ANOS1: variants seen among roughly 807,000 people sequenced by gnomAD.
The protein encoded by ANOS1 is anosmin-1.
ANOS1 carries 6 observed loss-of-function variants against 59.0 expected under a neutral mutation model. The ratio of observed to expected loss-of-function variants is 0.10; its 90% confidence interval spans 0.06 to 0.20. The LOEUF (loss-of-function observed/expected upper bound fraction) is 0.20. Ranked by LOEUF, ANOS1 falls within the 10% of genes least tolerant of loss-of-function variation. The pLI, the probability that ANOS1 is intolerant of heterozygous loss-of-function variation, is 1.00. For synonymous variants in ANOS1, 217 were observed against 223.4 expected (o/e 0.97, Z 0.25); for missense variants, 433 against 542.3 (o/e 0.80, Z 2.00).
chrX:8,585,248 G>A lies in ANOS1; in HGVS notation c.856+19C>T. 1 of 1,206,896 alleles carries A rather than the reference G, an allele frequency of 8.3e-7. No homozygotes were observed. Among genetic ancestry groups the A allele is most frequent in the Non-Finnish European group, 1.1e-6 (1 of 891,747 alleles). On this transcript the variant is annotated intron_variant, in intron 6 of 13. Transcript: ENST00000262648. ...AGCAAGGATAGTATTCTGTGTCTGG[G>A]AAGAAAAGGAAGACTGACCTTTGGA...
At chrX:8,579,992 T>G (rs1201694168) in intron 6 of ANOS1, among the ~76,000 whole-genome samples, 1 of 112,406 alleles carries the variant, frequency 8.9e-6, no homozygotes, top group Non-Finnish European at 1.9e-5. Context: ...TTGGATCAGG[T>G]TCTGAAGGTG....
At chrX:8,667,776 G>C (rs765329023) in intron 2 of ANOS1, among the ~76,000 whole-genome samples, 3 of 111,160 alleles carry the variant, frequency 2.7e-5, no homozygotes, top group East Asian at 2.9e-4. Flanking sequence ...GGAGTAGTGT[G>C]TTTTTAGAAG....
chrX:8,655,565 A>T (rs1196412939), intron 2 of ANOS1, among the ~76,000 whole-genome samples: 2 of 111,366 alleles, frequency 1.8e-5, no homozygotes, highest in Non-Finnish European at 3.8e-5. Context: ...CTACATCGTC[A>T]CACTGAGTGG....
chrX:8,726,672 G>A (rs957951554), intron 1 of ANOS1, among the ~76,000 whole-genome samples: 2 of 112,604 alleles, frequency 1.8e-5, no homozygotes, highest in African/African-American at 6.5e-5. Context: ...CCATGCTTAG[G>A]GAACTGATTA....
At chrX:8,636,566 C>G (rs1931576692) in intron 2 of ANOS1, among the ~76,000 whole-genome samples, 1 of 111,917 alleles carries the variant, frequency 8.9e-6, no homozygotes, top group African/African-American at 3.3e-5. Context: ...TGAAGCATGT[C>G]TGTGCAGTGA....
rs191854228 is a variant in ANOS1, at chrX:8,533,831, A to T, written c.1984+488T>A. On this transcript the variant is annotated intron_variant, in intron 13 of 13. Transcript: ENST00000262648. ...GCAAAATATTATTTCCTATATTGTG[A>T]TATATGAAAATCTTGATTTAAAAAT... Among the ~76,000 whole-genome samples, 482 of 111,341 alleles carry T rather than the reference A, an allele frequency of 4.3e-3. 1 individual carries two copies. Among genetic ancestry groups the T allele is most frequent in the African/African-American group, 0.015 (450 of 30,658 alleles).
At chrX:8,568,649 A>T (rs373036188) in intron 7 of ANOS1, among the ~76,000 whole-genome samples, 212 of 109,663 alleles carry the variant, frequency 1.9e-3, no homozygotes, top group African/African-American at 6.6e-3. Flanking sequence ...CCTGGGCAAC[A>T]TAGCAAGACT....
At chrX:8,700,883 C>A (rs1406843834) in intron 1 of ANOS1, among the ~76,000 whole-genome samples, 6 of 111,119 alleles carry the variant, frequency 5.4e-5, no homozygotes. Flanking sequence ...GTGGCACACG[C>A]CTGTAATCCC....
intron 2 of ANOS1, among the ~76,000 whole-genome samples, chrX:8,664,229 C>T (rs188175371): frequency 1.6e-4 from 18 of 111,946 alleles, no homozygotes; most frequent in Admixed American, 1.4e-3. Flanking sequence ...CTCACTCTGT[C>T]GCCCAGGCCG....
intron 2 of ANOS1, among the ~76,000 whole-genome samples, chrX:8,683,060 A>G (rs1394908026): frequency 9.0e-6 from 1 of 111,110 alleles, no homozygotes; most frequent in Non-Finnish European, 1.9e-5. Flanking sequence ...GAGCATGCTA[A>G]AGTTTGAGAA....
In ANOS1 at chrX:8,587,920, C is replaced by A. The variant is rs749078207; in HGVS notation, c.600G>T (p.Leu200=). Residue 200 remains leucine (L), a synonymous_variant, in exon 5 of 14, where the codon CTG becomes CTT. Coordinates refer to ENST00000262648, the MANE Select transcript of ANOS1 (RefSeq NM_000216.4). ...TGAATTTCGAGGACCACTTAACCTC[C>A]AGCTGTCCAGACTGCAGTTCTGTAA... The part of the protein sequence containing the change: ...LRFTELQSGQ[L]EVKWSSKFNI... 23 of 1,209,436 alleles carry A rather than the reference C, an allele frequency of 1.9e-5. No individual in the cohort carries two copies. The highest frequency in any genetic ancestry group is 2.6e-5 in the Non-Finnish European group (23 of 893,834).
At chrX:8,616,195 G>A (rs1931172771) in intron 3 of ANOS1, among the ~76,000 whole-genome samples, 1 of 110,878 alleles carries the variant, frequency 9.0e-6, no homozygotes, top group Non-Finnish European at 1.9e-5. Context: ...GCTCCCTGTC[G>A]CAGAATCCGA....
rs1932989280 is a variant in ANOS1 at position 8,732,134 on chromosome X, G to A, written c.-98C>T. ...CTGCTGAGGACCAGGCAGACGCCGC[G>A]ACTGAGCCGGAAAGTTCAATCCTTC... On this transcript the variant is annotated 5_prime_UTR_variant, in exon 1 of 14. Transcript: ENST00000262648. 4.6e-6 allele frequency: 3 copies of A among 648,755 alleles called. No individual in the cohort carries two copies. The highest frequency in any genetic ancestry group is 1.7e-4 in the South Asian group (2 of 11,711). The allele number at this position is 648,755 out of a possible 1,213,427, so 53.5% of individuals were successfully genotyped here.
intron 6 of ANOS1, among the ~76,000 whole-genome samples, chrX:8,575,935 C>T (rs115751451): frequency 0.03 from 3,356 of 110,434 alleles, 146 homozygotes; most frequent in African/African-American, 0.1. Context: ...AAGACCCTGT[C>T]TCTACAGAAA....
At chrX:8,690,499 C>T (rs1028306853) in intron 2 of ANOS1, among the ~76,000 whole-genome samples, 5 of 111,952 alleles carry the variant, frequency 4.5e-5, no homozygotes, top group African/African-American at 1.6e-4. Context: ...AAAACGTTCA[C>T]CTTTGGTTCT....
At chrX:8,539,591 A>G (rs1929648519) in intron 10 of ANOS1, 73 bp downstream of exon 10, 1 of 1,203,216 alleles carries the variant, frequency 8.3e-7, no homozygotes, top group East Asian at 3.0e-5. Context: ...TATCTGTTTG[A>G]CCTGTCTAGT....
At chrX:8,636,377 G>A (rs1931573428) in intron 2 of ANOS1, among the ~76,000 whole-genome samples, 1 of 111,831 alleles carries the variant, frequency 8.9e-6, no homozygotes, top group Admixed American at 9.5e-5. Flanking sequence ...ATCTCACAGA[G>A]CTACTTATAA....
At chrX:8,534,181 GA>G (rs1929548840) in intron 13 of ANOS1, 137 bp downstream of exon 13, 2 of 622,408 alleles carry the variant, frequency 3.2e-6, no homozygotes, top group Non-Finnish European at 5.1e-6. Context: ...CAGGGAGAAA[GA>G]ATTTCAGATG....
intron 1 of ANOS1, among the ~76,000 whole-genome samples, chrX:8,703,814 T>A (rs780898374): frequency 4.5e-5 from 5 of 111,650 alleles, no homozygotes; most frequent in Admixed American, 2.9e-4. Context: ...CAAGATTTTA[T>A]CTCTGGAAAT....
Sources: gnomAD v4.1 joint callset for allele counts (sites outside exome capture counted in the v4.1 genomes callset) on GRCh38, gnomAD v4.1.1 for gene constraint, MANE v1.5 for transcripts, NCBI Gene and HGNC (gene_info 2026-07-23, HGNC 2026-07-21) for gene names.